MAGEC3: variants seen among roughly 807,000 people sequenced by gnomAD.
The protein encoded by MAGEC3 is melanoma-associated antigen C3.
A neutral mutation model predicts 35.3 loss-of-function variants in MAGEC3; 34 were observed. That is an observed-to-expected ratio of 0.96 (90% CI 0.73 to 1.28). MAGEC3 has a LOEUF of 1.28. Among genes scored for constraint, MAGEC3 ranks in the 50% most tolerant of loss-of-function variants. MAGEC3 has a pLI of 0.00. For synonymous variants in MAGEC3, 202 were observed against 185.6 expected (o/e 1.09, Z -0.72); for missense variants, 561 against 483.6 (o/e 1.16, Z -1.50).
In MAGEC3 at chrX:141,878,194, ATGATT is replaced by A. The variant is rs2017932433; in HGVS notation, c.259-976_259-972del. ...GGGATTTATGTGATTTTTTTCTGTC[ATGATT>A]TGATGTAGGTAATGTTTCCTGGAAG... On this transcript the variant is annotated intron_variant, in intron 2 of 7. Coordinates refer to ENST00000298296, the MANE Select transcript of MAGEC3 (RefSeq NM_138702.1). Among the ~76,000 whole-genome samples the A allele has an allele frequency of 3.6e-5, 4 of 111,333 alleles. No individual in the cohort carries two copies. The South Asian group carries it at 1.5e-3, about 42-fold the overall frequency.
chrX:141,887,408 A>C (rs2018010789), intron 4 of MAGEC3, among the ~76,000 whole-genome samples: 1 of 112,108 alleles, frequency 8.9e-6, no homozygotes, highest in African/African-American at 3.2e-5. Context: ...ATTCCAGAGG[A>C]TGGGAAATAA....
chrX:141,858,504 GTTTTAT>G (rs1400116429), intron 1 of MAGEC3, among the ~76,000 whole-genome samples: 2 of 111,050 alleles, frequency 1.8e-5, no homozygotes, highest in African/African-American at 6.5e-5. Context: ...AATCGATTTT[GTTTTAT>G]TTTTATGACT....
At chrX:141,878,649 A>G (rs777331155) in intron 2 of MAGEC3, among the ~76,000 whole-genome samples, 1 of 112,354 alleles carries the variant, frequency 8.9e-6, no homozygotes, top group East Asian at 2.9e-4. Context: ...CCTTCCAGGC[A>G]TCCCCAGGAT....
intron 1 of MAGEC3, among the ~76,000 whole-genome samples, chrX:141,844,845 A>G (rs2017707080): frequency 9.0e-6 from 1 of 111,136 alleles, no homozygotes; most frequent in African/African-American, 3.2e-5. Context: ...CTTCTAGGAA[A>G]GTTTTGGAAA....
chrX:141,879,324 T>A lies in MAGEC3; in HGVS notation c.408T>A (p.Thr136=). 3 of 1,204,649 alleles carry A rather than the reference T, an allele frequency of 2.5e-6. No individual in the cohort carries two copies. Among genetic ancestry groups the A allele is most frequent in the Non-Finnish European group, 3.4e-6 (3 of 891,934 alleles). The change falls in exon 3 of 8, where the codon ACT becomes ACA. Residue 136 remains threonine (T), a synonymous_variant. Transcript: ENST00000298296. ...PQDWPLNEKR[T]LWKDSDLPTW... is the part of the protein sequence containing the mutation. ...ACTGGCCACTCAACGAGAAGAGAAC[T>A]CTGTGGAAGGACAGTGACCTTCCAA... is the stretch of plus-strand genomic sequence containing the variant.
intron 1 of MAGEC3, chrX:141,839,850 A>G (rs2017675796): frequency 4.2e-6 from 2 of 479,331 alleles, no homozygotes; most frequent in Non-Finnish European, 5.1e-6. Context: ...GCAGCAGGGA[A>G]TGCTACTGGT....
At chrX:141,849,000 T>G (rs180965435) in intron 1 of MAGEC3, among the ~76,000 whole-genome samples, 3 of 111,329 alleles carry the variant, frequency 2.7e-5, no homozygotes, top group African/African-American at 9.8e-5. Flanking sequence ...GTCAGAGGCC[T>G]CACATTACCC....
chrX:141,873,529 C>A (rs1032050119), intron 2 of MAGEC3, among the ~76,000 whole-genome samples: 18 of 111,361 alleles, frequency 1.6e-4, no homozygotes, highest in African/African-American at 5.2e-4. Context: ...ATGCATGAGG[C>A]TAGAAAGGGA....
intron 1 of MAGEC3, among the ~76,000 whole-genome samples, chrX:141,842,583 G>C (rs749145940): frequency 7.3e-4 from 81 of 111,544 alleles, no homozygotes; most frequent in African/African-American, 2.5e-3. Context: ...GTTCAAGAAA[G>C]AAATACATCC....
chrX:141,891,147 G>T (rs1003010043), intron 4 of MAGEC3, among the ~76,000 whole-genome samples: 1 of 111,149 alleles, frequency 9.0e-6, no homozygotes, highest in South Asian at 3.8e-4. Flanking sequence ...CCCTCTTTCC[G>T]TGTGTCTGTA....
intron 2 of MAGEC3, among the ~76,000 whole-genome samples, chrX:141,871,657 G>A (rs1161337450): frequency 3.6e-5 from 4 of 112,173 alleles, no homozygotes; most frequent in Non-Finnish European, 7.5e-5. Flanking sequence ...TAAAGGATTA[G>A]GTTATGTGCA....
intron 4 of MAGEC3, among the ~76,000 whole-genome samples, chrX:141,883,976 A>G (rs185929262): frequency 3.5e-5 from 4 of 113,477 alleles, no homozygotes; most frequent in Admixed American, 9.2e-5. Flanking sequence ...ACAGCTGTTC[A>G]GGAATGTTCA....
intron 4 of MAGEC3, among the ~76,000 whole-genome samples, 159 bp from the exon 5 acceptor site, chrX:141,895,110 G>C (rs2018076400): frequency 1.1e-5 from 1 of 89,331 alleles, no homozygotes; most frequent in African/African-American, 4.2e-5. Context: ...GGGTGGGAGG[G>C]GGTAGGGAGG....
chrX:141,862,913 T>C (rs2017824457), intron 1 of MAGEC3, among the ~76,000 whole-genome samples: 1 of 111,535 alleles, frequency 9.0e-6, no homozygotes, highest in Non-Finnish European at 1.9e-5. Flanking sequence ...CAGCAATGTA[T>C]TGTAATTTTC....
In MAGEC3 at chrX:141,879,369, C is replaced by A; in HGVS notation, c.453C>A (p.Gly151=). The A allele has an allele frequency of 1.7e-6, 2 of 1,175,609 alleles. No homozygotes were observed. Among genetic ancestry groups the A allele is most frequent in the Non-Finnish European group, 2.3e-6 (2 of 886,344 alleles). ...TTCCAACATGGAGGAGAGGCACAGG[C>A]TACACCCTTTCCCTTCCTGCCGTCA... ...SDLPTWRRGT[G]YTLSLPAVSP... is the part of the protein sequence containing the mutation. Residue 151 remains glycine (G), a synonymous_variant, in exon 3 of 8, where the codon GGC becomes GGA. Transcript: ENST00000298296.
chrX:141,849,491 T>C (rs1443466709), intron 1 of MAGEC3, among the ~76,000 whole-genome samples: 1 of 111,008 alleles, frequency 9.0e-6, no homozygotes, highest in Non-Finnish European at 1.9e-5. Context: ...GGACAACATA[T>C]TTGTAAACTA....
chrX:141,874,400 A>G (rs1603068336), intron 2 of MAGEC3, among the ~76,000 whole-genome samples: 1 of 112,187 alleles, frequency 8.9e-6, no homozygotes, highest in East Asian at 2.8e-4. Context: ...AATTCTGTTA[A>G]GAGAACAAAA....
Position 141,897,126 on chromosome X carries a change from G to A in MAGEC3, c.1368G>A (p.Leu456=), listed in dbSNP as rs1433961080. The stretch of plus-strand genomic sequence containing the variant: ...GTGAATCCTTGCCCAGGTATGCCCT[G>A]GATGAAAAGGTGGCTGAGTTGGTGC... ...PESESLPRYA[L]DEKVAELVQF... The change falls in exon 7 of 8, where the codon CTG becomes CTA. Residue 456 remains leucine (L), a synonymous_variant. Transcript: ENST00000298296. 1 of 1,211,636 alleles carries A rather than the reference G, an allele frequency of 8.3e-7. No homozygotes were observed. The highest frequency in any genetic ancestry group is 3.0e-5 in the East Asian group (1 of 33,809).
intron 1 of MAGEC3, among the ~76,000 whole-genome samples, chrX:141,865,185 C>T (rs1320932622): frequency 9.0e-6 from 1 of 111,045 alleles, no homozygotes; most frequent in Non-Finnish European, 1.9e-5. Flanking sequence ...TTTCTGCTCT[C>T]AACAGTGTCT....
Sources: gnomAD v4.1 joint callset for allele counts (sites outside exome capture counted in the v4.1 genomes callset) on GRCh38, gnomAD v4.1.1 for gene constraint, MANE v1.5 for transcripts, NCBI Gene and HGNC (gene_info 2026-07-23, HGNC 2026-07-21) for gene names.